Variants in MAST4 observed in about 807,000 individuals in gnomAD.
The protein encoded by MAST4 is microtubule-associated serine/threonine-protein kinase 4.
Under a neutral mutation model 162.7 loss-of-function variants are expected in MAST4, and 89 were observed. The ratio of observed to expected loss-of-function variants is 0.55; its 90% confidence interval spans 0.46 to 0.65. MAST4 has a LOEUF of 0.65. MAST4 is among the 30% of genes least tolerant of loss of function. The pLI, the probability that MAST4 is intolerant of heterozygous loss-of-function variation, is 0.00. For synonymous variants in MAST4, 1,479 were observed against 1,361.1 expected (o/e 1.09, Z -1.91); for missense variants, 3,153 against 3,374.0 (o/e 0.93, Z 1.62).
At chr5:66,605,163 G>T (rs1288228670) in intron 1 of MAST4, among the ~76,000 whole-genome samples, 2 of 152,174 alleles carry the variant, frequency 1.3e-5, no homozygotes, top group Non-Finnish European at 2.9e-5. Context: ...TAGCTGGAGT[G>T]GCTTGATTGA....
chr5:67,022,047 A>G (rs1338776347), intron 4 of MAST4, among the ~76,000 whole-genome samples: 1 of 152,184 alleles, frequency 6.6e-6, no homozygotes, highest in Non-Finnish European at 1.5e-5. Context: ...TCATTCCAAC[A>G]TGTTGTAATT....
chr5:67,149,124 TG>T (rs1771463006), intron 23 of MAST4, among the ~76,000 whole-genome samples: 1 of 152,168 alleles, frequency 6.6e-6, no homozygotes, highest in African/African-American at 2.4e-5. Context: ...TCTGGTTACA[TG>T]GAGTCATGGA....
In MAST4 at chr5:66,879,017, C is replaced by G. The variant is rs373962274; in HGVS notation, c.643-20934C>G. ...ACAATGGGCCGGGCGTGGTGGCTCA[C>G]GCCTGTAATCCCAGCACTTTGGGAG... On this transcript the variant is annotated intron_variant, in intron 3 of 28. Coordinates refer to ENST00000403625, the MANE Select transcript of MAST4 (RefSeq NM_001164664.2). 5.3e-5 allele frequency among the ~76,000 whole-genome samples: 8 copies of G among 152,182 alleles called. No individual in the cohort carries two copies. The South Asian group carries it at 1.7e-3, about 32-fold the overall frequency.
At chr5:67,069,036 ATACC>A (rs1434094700) in intron 5 of MAST4, among the ~76,000 whole-genome samples, 1 of 151,878 alleles carries the variant, frequency 6.6e-6, no homozygotes, top group African/African-American at 2.4e-5. Context: ...TGATACACGT[ATACC>A]TAAGGACGTC....
intron 3 of MAST4, among the ~76,000 whole-genome samples, chr5:66,894,600 G>A (rs966773737): frequency 6.6e-6 from 1 of 152,200 alleles, no homozygotes; most frequent in Non-Finnish European, 1.5e-5. Flanking sequence ...AGTACTTGCA[G>A]TAACTCAGTC....
intron 4 of MAST4, among the ~76,000 whole-genome samples, chr5:66,971,346 G>T (rs1329314373): frequency 6.6e-6 from 1 of 152,230 alleles, no homozygotes; most frequent in Non-Finnish European, 1.5e-5. Context: ...AGCAACTCCA[G>T]TCTGAGCAGC....
Position 66,776,964 on chromosome 5 carries a change from C to T in MAST4, c.518-11706C>T, listed in dbSNP as rs534949306. Among the ~76,000 whole-genome samples, 9 of 152,266 alleles carry T rather than the reference C, an allele frequency of 5.9e-5. No individual in the cohort carries two copies. The South Asian group carries it at 1.0e-3, about 18-fold the overall frequency. On this transcript the variant is annotated intron_variant, in intron 2 of 28. Transcript: ENST00000403625. The stretch of plus-strand genomic sequence containing the variant: ...GATTCAATGCCAATGGTGCCAGAAT[C>T]GGTAAAAGCATCCTGGAGGGGGACC...
intron 4 of MAST4, among the ~76,000 whole-genome samples, chr5:66,905,263 C>T (rs57083878): frequency 0.13 from 18,657 of 146,524 alleles, 1,446 homozygotes; most frequent in African/African-American, 0.2. Context: ...GCCGAGATCG[C>T]GCCCACGCCA....
intron 6 of MAST4, 104 bp from the exon 7 acceptor site, chr5:67,095,493 A>C (rs1764349773): frequency 2.5e-6 from 2 of 792,900 alleles, no homozygotes; most frequent in African/African-American, 3.4e-5. Context: ...ATCCTCACAG[A>C]CTATGTTTGT....
At chr5:67,000,726 C>T (rs147237301) in intron 4 of MAST4, among the ~76,000 whole-genome samples, 114 of 144,706 alleles carry the variant, frequency 7.9e-4, no homozygotes, top group African/African-American at 2.8e-3. Flanking sequence ...CCAGCCTGGG[C>T]GACAAGAGTG....
rs1474943515 is a variant in MAST4 at position 67,163,403 on chromosome 5, G to A, written c.4224G>A (p.Lys1408=). The A allele has an allele frequency of 6.2e-7, 1 of 1,612,534 alleles. No homozygotes were observed. The highest frequency in any genetic ancestry group is 1.3e-5 in the African/African-American group (1 of 74,922). Residue 1408 remains lysine, a synonymous_variant, in exon 29 of 29, where the codon AAG becomes AAA. Transcript: ENST00000403625. This position sits in a 1 kb window ranked among gnomAD's most constrained non-coding sequence, Gnocchi z 7.0. ...PLLGHSLGNS[K]IAQAFPSKMH... ...TGGGACACTCACTGGGCAATTCCAA[G>A]ATCGCGCAAGCCTTTCCCAGCAAGA... is the stretch of plus-strand genomic sequence containing the variant.
At chr5:66,999,956 G>A (rs1015636050) in intron 4 of MAST4, among the ~76,000 whole-genome samples, 9 of 152,106 alleles carry the variant, frequency 5.9e-5, no homozygotes, top group Non-Finnish European at 1.0e-4. Flanking sequence ...TATTAGAAAC[G>A]CTTTCTTCAA....
intron 12 of MAST4, among the ~76,000 whole-genome samples, chr5:67,117,043 G>T (rs746672557): frequency 1.3e-5 from 2 of 152,136 alleles, no homozygotes; most frequent in Non-Finnish European, 2.9e-5. Context: ...CCATAAAAAT[G>T]AGATAATAAT....
At chr5:66,891,978 C>T (rs1762392263) in intron 3 of MAST4, among the ~76,000 whole-genome samples, 1 of 152,212 alleles carries the variant, frequency 6.6e-6, no homozygotes, top group Non-Finnish European at 1.5e-5. Flanking sequence ...GACACCTATT[C>T]TTGTGGCTGC....
chr5:66,831,218 T>C lies in MAST4; in HGVS notation c.642+42424T>C, dbSNP rs1260728673. Among the ~76,000 whole-genome samples, 5 of 152,236 alleles carry C rather than the reference T, an allele frequency of 3.3e-5. No individual in the cohort carries two copies. In the East Asian group the frequency reaches 9.6e-4, roughly 29 times the overall value. On this transcript the variant is annotated intron_variant, in intron 3 of 28. Transcript: ENST00000403625. The stretch of plus-strand genomic sequence containing the variant: ...ATGAACTTGTTGTATTTATACACCA[T>C]GTTTGTTGTCTGAATTTGTCCTTAA...
chr5:66,783,260 T>C (rs1754961500), intron 2 of MAST4: 1 of 152,256 alleles, frequency 6.6e-6, no homozygotes, highest in Non-Finnish European at 1.5e-5. Context: ...TTAATGTGTG[T>C]TGGGTAGCTC....
chr5:66,736,976 G>T (rs757731233), intron 1 of MAST4, among the ~76,000 whole-genome samples: 3 of 152,212 alleles, frequency 2.0e-5, no homozygotes, highest in Admixed American at 6.5e-5. Flanking sequence ...ATTCTGTAAA[G>T]TCACTATGAA....
chr5:67,078,919 T>TATATATAAATAA (rs1762199308), intron 5 of MAST4, among the ~76,000 whole-genome samples: 1 of 65,868 alleles, frequency 1.5e-5, no homozygotes, highest in African/African-American at 8.1e-5. Flanking sequence ...TAAATATATA[T>TATATATAAATAA]ATATATATAT....
At chr5:66,745,840 T>C (rs150572175) in intron 1 of MAST4, among the ~76,000 whole-genome samples, 1 of 152,322 alleles carries the variant, frequency 6.6e-6, no homozygotes, top group East Asian at 1.9e-4. Context: ...GTCTAGTCCA[T>C]AGTAGACATT....
Sources: allele counts gnomAD v4.1 joint callset (sites outside exome capture counted in the v4.1 genomes callset), GRCh38; gene constraint gnomAD v4.1.1; non-coding constraint Gnocchi (gnomAD v3.1); transcripts MANE v1.5; gene names NCBI Gene and HGNC (gene_info 2026-07-23, HGNC 2026-07-21).